TMEM267: variants seen among roughly 807,000 people sequenced by gnomAD.
The protein encoded by TMEM267 is transmembrane protein 267.
TMEM267 carries 20 observed loss-of-function variants against 19.3 expected under a neutral mutation model. That is an observed-to-expected ratio of 1.04 (90% CI 0.73 to 1.51). The LOEUF is 1.51. Among genes scored for constraint, TMEM267 ranks in the 40% most tolerant of loss-of-function variants. The pLI, the probability that TMEM267 is intolerant of heterozygous loss-of-function variation, is 0.00. For missense variants in TMEM267, 242 were observed against 261.9 expected (o/e 0.92, Z 0.52); for synonymous variants, 88 against 90.3 (o/e 0.97, Z 0.15).
intron 1 of TMEM267, among the ~76,000 whole-genome samples, chr5:43,465,542 G>T (rs1441594600): frequency 1.3e-5 from 2 of 152,142 alleles, no homozygotes; most frequent in Non-Finnish European, 2.9e-5. Context: ...CAATAGCAAA[G>T]ACTTGGAACC....
rs549257034 is a variant in TMEM267, at chr5:43,450,152, G to T, written c.312+3506C>A. On this transcript the variant is annotated intron_variant, in intron 2 of 2. Coordinates refer to ENST00000397080, the MANE Select transcript of TMEM267 (RefSeq NM_022483.5). ...TGGAACTATAGGCATACACCACCAT[G>T]CCGGGCTAGTTTTTTATTTTTTGTA... Among the ~76,000 whole-genome samples, 11 of 152,012 alleles carry T rather than the reference G, an allele frequency of 7.2e-5. No individual in the cohort carries two copies. In the South Asian group the frequency reaches 2.3e-3, roughly 32 times the overall value.
rs1303361254 is a variant in TMEM267 at position 43,453,800 on chromosome 5, T to C, written c.170A>G (p.His57Arg). ...CCATGACCACATGCCAATTACACAA[T>C]GTACTGCATTATCTGAGAGAGCACG... ...WLRALSDNAVHCVIGMWSWAV... is the reference protein window; with the variant it reads ...WLRALSDNAVRCVIGMWSWAV... Residue 57 changes from histidine to arginine, a missense_variant, in exon 2 of 3, where the codon CAT becomes CGT. Transcript: ENST00000397080. 4.3e-6 allele frequency: 7 copies of C among 1,614,124 alleles called. No individual in the cohort carries two copies. Among genetic ancestry groups the C allele is most frequent in the South Asian group, 1.1e-5 (1 of 91,086 alleles).
intron 2 of TMEM267, among the ~76,000 whole-genome samples, chr5:43,452,482 T>C (rs1218523413): frequency 6.6e-6 from 1 of 151,444 alleles, no homozygotes; most frequent in East Asian, 1.9e-4. Context: ...AGAGATAAAA[T>C]ACTATTTGTA....
chr5:43,470,732 C>T (rs571412499), intron 1 of TMEM267, among the ~76,000 whole-genome samples: 1 of 152,178 alleles, frequency 6.6e-6, no homozygotes, highest in Admixed American at 6.5e-5. Context: ...TAATAGACAT[C>T]CTAGCTAGAG....
At chr5:43,447,453 TC>T (rs1239992056) in intron 2 of TMEM267, among the ~76,000 whole-genome samples, 3 of 152,176 alleles carry the variant, frequency 2.0e-5, no homozygotes, top group Admixed American at 1.3e-4. Context: ...AATAAAAATT[TC>T]AGGCTTAATC....
chr5:43,474,437 T>C (rs1222543410), intron 1 of TMEM267, among the ~76,000 whole-genome samples: 1 of 151,726 alleles, frequency 6.6e-6, no homozygotes, highest in East Asian at 1.9e-4. Context: ...CATCAAAAAG[T>C]GGGTGAAGGA....
At chr5:43,478,623 A>G (rs910583798) in intron 1 of TMEM267, among the ~76,000 whole-genome samples, 1 of 152,190 alleles carries the variant, frequency 6.6e-6, no homozygotes, top group Admixed American at 6.5e-5. Context: ...GGAAATTTAG[A>G]ACATTTATGA....
At position 43,453,593 on chromosome 5, in the gene TMEM267, G is replaced by GT. The variant is rs1354682070; in HGVS notation, c.312+64dup. The stretch of plus-strand genomic sequence containing the variant: ...ATCCTCTCTAGTTCTAAATGATGCT[G>GT]TAAAGATCAGCAAAATAGTGCTAAG... On this transcript the variant is annotated intron_variant, in intron 2 of 2. Transcript: ENST00000397080. 3 of 1,413,936 alleles carry GT rather than the reference G, an allele frequency of 2.1e-6. No homozygotes were observed. In the African/African-American group the frequency reaches 4.3e-5, roughly 20 times the overall value. The allele number at this position is 1,413,936 out of a possible 1,614,324, so 87.6% of individuals were successfully genotyped here. A position where few individuals can be genotyped will look rare whatever the true frequency, so the allele number is the denominator to read the frequency against.
chr5:43,458,517 G>C (rs1335504925), intron 1 of TMEM267, among the ~76,000 whole-genome samples: 1 of 152,174 alleles, frequency 6.6e-6, no homozygotes, highest in Non-Finnish European at 1.5e-5. Context: ...GAAGACAGTA[G>C]AGGCAGGAAT....
At chr5:43,460,864 T>C (rs66495712) in intron 1 of TMEM267, among the ~76,000 whole-genome samples, 74,021 of 152,108 alleles carry the variant, frequency 0.49, 18,885 homozygotes, top group Middle Eastern at 0.63. Flanking sequence ...GTGCCCTCTG[T>C]CTCCAGGTAA....
chr5:43,462,104 T>C (rs146308199), intron 1 of TMEM267, among the ~76,000 whole-genome samples: 3 of 152,290 alleles, frequency 2.0e-5, no homozygotes, highest in Non-Finnish European at 4.4e-5. Context: ...ACAGACTGTT[T>C]GAGGGAAAGT....
At chr5:43,468,046 G>C (rs1353277506) in intron 1 of TMEM267, among the ~76,000 whole-genome samples, 2 of 146,330 alleles carry the variant, frequency 1.4e-5, no homozygotes, top group Admixed American at 6.9e-5. Flanking sequence ...GTGACCAAGA[G>C]ACAGCTAATG....
rs142483458 is a variant in TMEM267, at chr5:43,479,834, T to C, written c.-75+3988A>G. On this transcript the variant is annotated intron_variant, in intron 1 of 2. Coordinates refer to ENST00000397080, the MANE Select transcript of TMEM267 (RefSeq NM_022483.5). ...TCTTCCAGGATCTGGAAATAATGAT[T>C]TCCAGGTACTCTCAACCAAGAGATG... 4.1e-3 allele frequency: 1,736 copies of C among 420,332 alleles called. 17 individuals are homozygous for C. The highest frequency in any genetic ancestry group is 0.012 in the African/African-American group (557 of 47,396). 26.0% of individuals were successfully genotyped at this position (420,332 alleles called of 1,614,324 possible). A position where few individuals can be genotyped will look rare whatever the true frequency, so the allele number is the denominator to read the frequency against.
In TMEM267 at chr5:43,444,775, C is replaced by T. The variant is rs1006520737; in HGVS notation, c.*1447G>A. On this transcript the variant is annotated 3_prime_UTR_variant, in exon 3 of 3. Transcript: ENST00000397080. ...TTTACCCCCACTATATAATATTTACCATTATACCAACCAAACTTATACAAT... is the reference window on the plus strand; with the variant it reads ...TTTACCCCCACTATATAATATTTACTATTATACCAACCAAACTTATACAAT... The T allele has an allele frequency of 4.6e-5, 7 of 151,650 alleles. No individual in the cohort carries two copies. Among genetic ancestry groups the T allele is most frequent in the Admixed American group, 2.0e-4 (3 of 15,216 alleles). The allele number at this position is 151,650 out of a possible 1,614,324, so 9.4% of individuals were successfully genotyped here.
At chr5:43,456,239 C>G (rs765500736) in intron 1 of TMEM267, among the ~76,000 whole-genome samples, 2 of 152,174 alleles carry the variant, frequency 1.3e-5, no homozygotes, top group African/African-American at 2.4e-5. Context: ...ATGCAAAAAT[C>G]ATAAACCTGA....
intron 1 of TMEM267, among the ~76,000 whole-genome samples, chr5:43,458,766 A>G (rs1280714616): frequency 6.6e-6 from 1 of 152,196 alleles, no homozygotes; most frequent in Non-Finnish European, 1.5e-5. Context: ...GAGAAATATG[A>G]AAACAAGAAA....
intron 2 of TMEM267, among the ~76,000 whole-genome samples, chr5:43,452,821 A>G (rs944260285): frequency 1.3e-5 from 2 of 152,350 alleles, no homozygotes; most frequent in East Asian, 1.9e-4. Context: ...GAAAAAGTGA[A>G]TATTTCTCAT....
At chr5:43,467,850 C>G (rs890019947) in intron 1 of TMEM267, among the ~76,000 whole-genome samples, 13 of 152,136 alleles carry the variant, frequency 8.5e-5, no homozygotes. Context: ...ATCAGAAACT[C>G]AAAAGAATGC....
intron 1 of TMEM267, among the ~76,000 whole-genome samples, chr5:43,481,688 G>GAA (rs1449141691): frequency 6.6e-6 from 1 of 152,090 alleles, no homozygotes; most frequent in East Asian, 1.9e-4. Flanking sequence ...AGCTCACAGT[G>GAA]AACTTGGAAG....
Sources: allele counts gnomAD v4.1 joint callset (sites outside exome capture counted in the v4.1 genomes callset), GRCh38; gene constraint gnomAD v4.1.1; transcripts MANE v1.5; gene names NCBI Gene and HGNC (gene_info 2026-07-23, HGNC 2026-07-21).